Variants in CELF2 observed in about 807,000 individuals in gnomAD.
CELF2 encodes CUG triplet repeat RNA-binding protein 2.
CELF2 carries 8 observed loss-of-function variants against 62.6 expected under a neutral mutation model. That is an observed-to-expected ratio of 0.13 (90% CI 0.07 to 0.23). CELF2 has a LOEUF of 0.23. CELF2 is among the 10% of genes least tolerant of loss of function. The pLI is 1.00. For synonymous variants in CELF2, 258 were observed against 250.0 expected (o/e 1.03, Z -0.30); for missense variants, 333 against 671.0 (o/e 0.50, Z 5.56).
chr10:10,628,114 G>A, the CELF2 span, among the ~76,000 whole-genome samples: 1 of 152,082 alleles, frequency 6.6e-6, no homozygotes, highest in African/African-American at 2.4e-5. Context: ...TGTTGGCCAA[G>A]CTGGTCTCAA....
At chr10:10,641,430 G>GT in the CELF2 span, among the ~76,000 whole-genome samples, 184 of 151,246 alleles carry the variant, frequency 1.2e-3, no homozygotes, top group South Asian at 0.017. Flanking sequence ...TGCTACAGAG[G>GT]TTTTTTTTTG....
In CELF2 at chr10:11,331,334, TTCA is replaced by T. The variant is rs2096012682; in HGVS notation, c.*2283_*2285del. 6.6e-6 allele frequency: 1 copy of T among 151,866 alleles called. No homozygotes were observed. 9.4% of individuals were successfully genotyped at this position (151,866 alleles called of 1,614,324 possible). A position where few individuals can be genotyped will look rare whatever the true frequency, so the allele number is the denominator to read the frequency against. ...AAAAAGTTGTTTGCTTAAAAAAAATTTCATGTGAGGGAAAAAAAAAAAACCTAT... is the reference window on the plus strand; with the variant it reads ...AAAAAGTTGTTTGCTTAAAAAAAATTTGTGAGGGAAAAAAAAAAAACCTAT... On this transcript the variant is annotated 3_prime_UTR_variant, in exon 13 of 13. Coordinates refer to ENST00000633077, the MANE Select transcript of CELF2 (RefSeq NM_001326342.2).
the CELF2 span, among the ~76,000 whole-genome samples, chr10:10,603,155 A>G: frequency 1.6e-5 from 2 of 128,802 alleles, no homozygotes; most frequent in Non-Finnish European, 3.4e-5. Context: ...GAGTCAGATA[A>G]ATGTGTGCAT....
chr10:10,557,886 T>G, the CELF2 span, among the ~76,000 whole-genome samples: 1 of 144,294 alleles, frequency 6.9e-6, no homozygotes, highest in Non-Finnish European at 1.5e-5. Context: ...ATTGATTTTG[T>G]ATCCTGAGAC....
intron 1 of CELF2, among the ~76,000 whole-genome samples, chr10:11,054,243 G>T (rs1054322987): frequency 1.3e-5 from 2 of 152,162 alleles, no homozygotes; most frequent in African/African-American, 4.8e-5. Flanking sequence ...ATACACAGCC[G>T]TGTCTTTTAT....
intron 1 of CELF2, among the ~76,000 whole-genome samples, chr10:11,121,783 T>C (rs911841192): frequency 1.3e-5 from 2 of 152,146 alleles, no homozygotes; most frequent in African/African-American, 4.8e-5. Context: ...GGATGCCCCA[T>C]AGTGTTTCTT....
chr10:11,028,751 G>T (rs1169045234), intron 1 of CELF2, among the ~76,000 whole-genome samples: 4 of 121,120 alleles, frequency 3.3e-5, no homozygotes, highest in African/African-American at 6.7e-5. Flanking sequence ...ATGGAATCTT[G>T]CTCTGTTGCC....
the CELF2 span, among the ~76,000 whole-genome samples, chr10:10,557,336 A>G: frequency 1.3e-5 from 2 of 151,704 alleles, no homozygotes; most frequent in Non-Finnish European, 2.9e-5. Flanking sequence ...CAAAGATCAG[A>G]TAGTTGTGGA....
chr10:10,740,507 A>G, the CELF2 span, among the ~76,000 whole-genome samples: 54 of 152,292 alleles, frequency 3.5e-4, no homozygotes, highest in Middle Eastern at 3.4e-3. Context: ...GAGGTTCCTC[A>G]AAAAATTGAA....
At chr10:10,869,973 T>C (rs1040608861) in intron 1 of CELF2, among the ~76,000 whole-genome samples, 9 of 152,162 alleles carry the variant, frequency 5.9e-5, no homozygotes, top group African/African-American at 2.2e-4. Flanking sequence ...CAATTTTAAA[T>C]GGTTTATTAT....
At chr10:10,827,050 A>G (rs1361306189) in intron 1 of CELF2, among the ~76,000 whole-genome samples, 3 of 152,194 alleles carry the variant, frequency 2.0e-5, no homozygotes, top group African/African-American at 7.2e-5. Flanking sequence ...ATCAAGTAGG[A>G]CTAAGTAATT....
chr10:10,878,531 A>G (rs532718586), intron 1 of CELF2, among the ~76,000 whole-genome samples: 7 of 152,262 alleles, frequency 4.6e-5, no homozygotes, highest in African/African-American at 1.7e-4. Flanking sequence ...TTTGAATCAG[A>G]TGGTAGATAA....
chr10:10,478,737 G>T, the CELF2 span, among the ~76,000 whole-genome samples: 2 of 152,136 alleles, frequency 1.3e-5, no homozygotes, highest in African/African-American at 4.8e-5. Context: ...ACACTTGAAT[G>T]GGTCTTTATT....
At chr10:10,761,809 G>A in the CELF2 span, among the ~76,000 whole-genome samples, 1 of 152,110 alleles carries the variant, frequency 6.6e-6, no homozygotes, top group Non-Finnish European at 1.5e-5. Context: ...TTGGACTGGA[G>A]CTAAACCATG....
At chr10:10,646,698 A>C in the CELF2 span, among the ~76,000 whole-genome samples, 2 of 152,338 alleles carry the variant, frequency 1.3e-5, no homozygotes, top group Admixed American at 1.3e-4. Context: ...CTGTGATGAA[A>C]TACTGACCCA....
rs1222362824 is a variant in CELF2, at chr10:11,334,535, T to C, written c.*5482T>C. On this transcript the variant is annotated 3_prime_UTR_variant, in exon 13 of 13. Coordinates refer to ENST00000633077, the MANE Select transcript of CELF2 (RefSeq NM_001326342.2). ...AGAGGAAACTGCACAGCAGCCACCT[T>C]TGATTTATGTACAACCGCCCACTTG... 6.6e-6 allele frequency: 1 copy of C among 152,616 alleles called. No homozygotes were observed. The highest frequency in any genetic ancestry group is 2.4e-5 in the African/African-American group (1 of 41,480). The allele number at this position is 152,616 out of a possible 1,614,324, so 9.5% of individuals were successfully genotyped here.
intron 1 of CELF2, among the ~76,000 whole-genome samples, chr10:10,909,127 A>T (rs899278776): frequency 6.6e-6 from 1 of 152,152 alleles, no homozygotes; most frequent in Admixed American, 6.5e-5. Context: ...AATGCATTTA[A>T]CTGAGGGGAG....
chr10:11,105,134 C>A (rs920573181), intron 1 of CELF2, among the ~76,000 whole-genome samples: 2 of 152,198 alleles, frequency 1.3e-5, no homozygotes, highest in African/African-American at 4.8e-5. Context: ...AACTCTAAGT[C>A]CAGATTAGAC....
chr10:10,933,020 C>T (rs1018934060), intron 2 of CELF2, among the ~76,000 whole-genome samples: 2 of 152,030 alleles, frequency 1.3e-5, no homozygotes, highest in African/African-American at 4.8e-5. Flanking sequence ...CAAGGCCGGG[C>T]ACAGTGGCTC....
Sources: allele counts gnomAD v4.1 joint callset (sites outside exome capture counted in the v4.1 genomes callset), GRCh38; gene constraint gnomAD v4.1.1; transcripts MANE v1.5; gene names NCBI Gene and HGNC (gene_info 2026-07-23, HGNC 2026-07-21).